SYTL5: variants seen among roughly 807,000 people sequenced by gnomAD.
The protein encoded by SYTL5 is synaptotagmin-like protein 5.
In SYTL5, 34 loss-of-function variants were observed where a neutral mutation model predicts 55.9. The ratio of observed to expected loss-of-function variants is 0.61; its 90% CI spans 0.46 to 0.81. The LOEUF (loss-of-function observed/expected upper bound fraction) is 0.81, where lower values mean the gene tolerates loss of function less well. Among genes scored for constraint, SYTL5 ranks in the 30% least tolerant of loss-of-function variants. The probability of loss-of-function intolerance (pLI) is 0.00; values close to 1 mark genes in which losing one functional copy is unlikely to be tolerated. For missense variants in SYTL5, 637 were observed against 546.7 expected (o/e 1.17, Z -1.65); for synonymous variants, 221 against 188.7 (o/e 1.17, Z -1.40).
the SYTL5 span, among the ~76,000 whole-genome samples, chrX:37,966,529 C>T: frequency 9.4e-6 from 1 of 105,857 alleles, no homozygotes; most frequent in Non-Finnish European, 1.9e-5. Flanking sequence ...CCTCCGCCTC[C>T]CAGGATCAAG....
the SYTL5 span, among the ~76,000 whole-genome samples, chrX:37,952,524 T>C: frequency 9.0e-6 from 1 of 111,558 alleles, no homozygotes; most frequent in Non-Finnish European, 1.9e-5. Flanking sequence ...GGAAGTATAC[T>C]CCATCTCTAG....
intron 8 of SYTL5, among the ~76,000 whole-genome samples, chrX:38,095,409 T>C (rs1360855008): frequency 1.8e-5 from 2 of 111,952 alleles, no homozygotes; most frequent in Non-Finnish European, 3.8e-5. Flanking sequence ...TTGATTACTC[T>C]CTCCAATCTT....
At chrX:38,088,761 T>C (rs1205667943) in intron 6 of SYTL5, among the ~76,000 whole-genome samples, 1 of 112,288 alleles carries the variant, frequency 8.9e-6, no homozygotes, top group Admixed American at 9.4e-5. Flanking sequence ...ATTAAATATG[T>C]ACTGAGTGGC....
chrX:38,122,947 A>G (rs1937588039), intron 15 of SYTL5, among the ~76,000 whole-genome samples: 1 of 112,696 alleles, frequency 8.9e-6, no homozygotes, highest in Non-Finnish European at 1.9e-5. Flanking sequence ...TAAATAACAT[A>G]TTATCCCTGC....
chrX:37,950,411 A>T, the SYTL5 span, among the ~76,000 whole-genome samples: 6 of 112,053 alleles, frequency 5.4e-5, no homozygotes, highest in Admixed American at 2.8e-4. Context: ...TGTTTTAGGT[A>T]GGAAGATTTT....
At chrX:37,939,192 C>T in the SYTL5 span, among the ~76,000 whole-genome samples, 1 of 107,454 alleles carries the variant, frequency 9.3e-6, no homozygotes, top group African/African-American at 3.4e-5. Context: ...ACTTGGAAGG[C>T]AGAGGTTGCG....
intron 6 of SYTL5, 64 bp downstream of exon 6, chrX:38,076,765 T>C: frequency 1.0e-5 from 11 of 1,091,003 alleles, no homozygotes; most frequent in Non-Finnish European, 1.4e-5. Context: ...TTCCCATTCA[T>C]AGGGGGATTT....
In SYTL5 at chrX:38,102,411, C is replaced by G. The variant is rs771913008; in HGVS notation, c.1132C>G (p.Arg378Gly). The change falls in exon 10 of 17, where the codon CGT (arginine) becomes GGT (glycine). Residue 378 changes from arginine (R) to glycine (G), a missense_variant. By Grantham distance (125) the Arg-to-Gly change is moderately radical. Coordinates refer to ENST00000297875, the MANE Select transcript of SYTL5 (RefSeq NM_138780.3). ...VSSQLSTNTH[R>G]LASGLSTTSL... ...CTCGCAGTTATCTACAAACACTCACCGTCTGGCAAGTGGCCTATCAACTGT... is the reference window on the plus strand; with the variant it reads ...CTCGCAGTTATCTACAAACACTCACGGTCTGGCAAGTGGCCTATCAACTGT... 8.3e-7 allele frequency: 1 copy of G among 1,203,959 alleles called. No individual in the cohort carries two copies. The highest frequency in any genetic ancestry group is 1.8e-5 in the South Asian group (1 of 56,580).
intron 1 of SYTL5, among the ~76,000 whole-genome samples, chrX:38,011,346 T>G (rs1057331356): frequency 5.4e-5 from 6 of 112,084 alleles, no homozygotes; most frequent in Non-Finnish European, 1.1e-4. Flanking sequence ...TATGTTATAC[T>G]GCTGGCCGGG....
In SYTL5 at chrX:38,127,882, C is replaced by T. The variant is rs1281673707; in HGVS notation, c.*1152C>T. 8.9e-6 allele frequency: 1 copy of T among 111,828 alleles called. No homozygotes were observed. Among genetic ancestry groups the T allele is most frequent in the Non-Finnish European group, 1.9e-5 (1 of 53,177 alleles). The allele number at this position is 111,828 out of a possible 1,213,427, so 9.2% of individuals were successfully genotyped here. A position where few individuals can be genotyped will look rare whatever the true frequency, so the allele number is the denominator to read the frequency against. ...CCAGAGCATCTTGATGGCAGAAGTG[C>T]AATAAGATGAGCCCCACTGCTCGGG... On this transcript the variant is annotated 3_prime_UTR_variant, in exon 17 of 17. Transcript: ENST00000297875.
chrX:38,103,410 T>C (rs894208339), intron 10 of SYTL5, among the ~76,000 whole-genome samples: 2 of 111,435 alleles, frequency 1.8e-5, no homozygotes, highest in African/African-American at 6.5e-5. Context: ...AGTAGTAAAA[T>C]TGCCATAGGT....
chrX:37,998,807 G>A, the SYTL5 span, among the ~76,000 whole-genome samples: 7 of 111,731 alleles, frequency 6.3e-5, no homozygotes, highest in East Asian at 2.8e-4. Flanking sequence ...TATTGTATCC[G>A]ATTACTGACT....
the SYTL5 span, among the ~76,000 whole-genome samples, chrX:37,928,835 T>G: frequency 2.7e-5 from 3 of 112,566 alleles, no homozygotes; most frequent in African/African-American, 9.7e-5. Flanking sequence ...CCAGTGGTAG[T>G]GACTTTTTGG....
chrX:37,968,506 G>T, the SYTL5 span, among the ~76,000 whole-genome samples: 1 of 111,607 alleles, frequency 9.0e-6, no homozygotes, highest in South Asian at 3.8e-4. Flanking sequence ...GATTCTGTGG[G>T]AGGGGCACCC....
At chrX:37,900,436 TG>T in the SYTL5 span, among the ~76,000 whole-genome samples, 1 of 111,375 alleles carries the variant, frequency 9.0e-6, no homozygotes, top group African/African-American at 3.3e-5. Context: ...AGGGATAAGG[TG>T]GGAGAGTTGC....
At chrX:38,110,746 G>A (rs1433093106) in intron 13 of SYTL5, among the ~76,000 whole-genome samples, 2 of 111,436 alleles carry the variant, frequency 1.8e-5, no homozygotes, top group Non-Finnish European at 3.8e-5. Context: ...AGTCTCATTG[G>A]ATAACTGAAA....
chrX:37,893,399 C>A, the SYTL5 span, among the ~76,000 whole-genome samples: 1 of 96,426 alleles, frequency 1.0e-5, no homozygotes. Context: ...AAACCTTTGA[C>A]ATATACTATA....
At chrX:37,890,109 A>G in the SYTL5 span, among the ~76,000 whole-genome samples, 829 of 110,721 alleles carry the variant, frequency 7.5e-3, 7 homozygotes, top group African/African-American at 0.026. Flanking sequence ...GCATGGCAAG[A>G]TAACGAAGGA....
chrX:38,108,190 A>G (rs182205552), intron 11 of SYTL5, among the ~76,000 whole-genome samples: 125 of 112,435 alleles, frequency 1.1e-3, no homozygotes, highest in Non-Finnish European at 2.0e-3. Flanking sequence ...TATTACATGT[A>G]TTGAGTAGTA....
Sources: allele counts gnomAD v4.1 joint callset (sites outside exome capture counted in the v4.1 genomes callset), GRCh38; gene constraint gnomAD v4.1.1; transcripts MANE v1.5; gene names NCBI Gene and HGNC (gene_info 2026-07-23, HGNC 2026-07-21).